Variants in STX7 observed in about 807,000 individuals in gnomAD.
STX7 encodes syntaxin-7.
STX7 carries 34 observed loss-of-function variants against 39.6 expected under a neutral mutation model. That is an observed-to-expected ratio of 0.86 (90% CI 0.65 to 1.14). The LOEUF (loss-of-function observed/expected upper bound fraction) is 1.14. Ranked by LOEUF, STX7 falls within the 50% of genes most tolerant of loss-of-function variation. The probability of loss-of-function intolerance (pLI) is 0.00; values close to 1 mark genes in which losing one functional copy is unlikely to be tolerated. For synonymous variants in STX7, 119 were observed against 99.1 expected, an observed-to-expected ratio of 1.20 and a Z score of -1.19; for missense variants, 284 against 310.4, an observed-to-expected ratio of 0.92 and a Z score of 0.64.
intron 2 of STX7, among the ~76,000 whole-genome samples, chr6:132,476,301 AGC>A (rs924749994): frequency 1.3e-5 from 2 of 152,218 alleles, no homozygotes; most frequent in Admixed American, 6.5e-5. Flanking sequence ...GGCATGCTGC[AGC>A]GAGAAAGCCA....
intron 2 of STX7, among the ~76,000 whole-genome samples, chr6:132,500,446 C>T (rs1218335948): frequency 6.6e-6 from 1 of 152,164 alleles, no homozygotes; most frequent in Admixed American, 6.5e-5. Flanking sequence ...GTTATTCCTT[C>T]TGTCTGAAAT....
Position 132,446,283 on chromosome 6 carries a change from T to C in STX7, c.*14475A>G, listed in dbSNP as rs1340685608. 1 of 152,198 alleles carries C rather than the reference T, an allele frequency of 6.6e-6. No individual in the cohort carries two copies. Among genetic ancestry groups the C allele is most frequent in the African/African-American group, 2.4e-5 (1 of 41,450 alleles). 9.4% of individuals were successfully genotyped at this position (152,198 alleles called of 1,614,324 possible). On this transcript the variant is annotated 3_prime_UTR_variant, in exon 10 of 10. Transcript: ENST00000367941. ...GATCATTCATCTTCTCGAGGCCAAG[T>C]ACTTGGTCTGAACACAGAGTCACTT...
At chr6:132,471,278 C>T (rs112143443) in intron 5 of STX7, among the ~76,000 whole-genome samples, 185 bp downstream of exon 5, 3,248 of 152,126 alleles carry the variant, frequency 0.021, 67 homozygotes, top group Middle Eastern at 0.058. Context: ...AAATCACCAC[C>T]GTAATACAAA....
At chr6:132,509,455 A>T (rs1433396170) in intron 1 of STX7, among the ~76,000 whole-genome samples, 1 of 4,544 alleles carries the variant, frequency 2.2e-4, no homozygotes, top group Admixed American at 1.2e-3. Flanking sequence ...GTCTCAAAAT[A>T]ACATAACATA....
chr6:132,494,414 G>A (rs779263981), intron 2 of STX7, among the ~76,000 whole-genome samples: 2 of 152,096 alleles, frequency 1.3e-5, no homozygotes, highest in Non-Finnish European at 2.9e-5. Flanking sequence ...TTAATTTACT[G>A]ATAAAAGGCA....
chr6:132,485,634 T>C (rs941899209), intron 2 of STX7, among the ~76,000 whole-genome samples: 4 of 152,338 alleles, frequency 2.6e-5, no homozygotes, highest in African/African-American at 9.6e-5. Context: ...CCACCTGCAG[T>C]GTATGAAAAC....
chr6:132,510,318 A>G (rs1409560222), intron 1 of STX7, among the ~76,000 whole-genome samples: 1 of 152,248 alleles, frequency 6.6e-6, no homozygotes, highest in East Asian at 1.9e-4. Context: ...TACACATTGT[A>G]CACATCTACT....
chr6:132,448,262 GTATT>G lies in STX7; in HGVS notation c.*12492_*12495del, dbSNP rs1426066047. The G allele has an allele frequency of 6.6e-6, 1 of 152,038 alleles. No individual in the cohort carries two copies. The allele number at this position is 152,038 out of a possible 1,614,324, so 9.4% of individuals were successfully genotyped here. A position where few individuals can be genotyped will look rare whatever the true frequency, so the allele number is the denominator to read the frequency against. On this transcript the variant is annotated 3_prime_UTR_variant, in exon 10 of 10. Transcript: ENST00000367941. ...GAGTAAATACTTCTTAATATAGACA[GTATT>G]TATTTACATTTCCCATGATTACTGA...
At chr6:132,463,833 C>T (rs994900513) in intron 9 of STX7, among the ~76,000 whole-genome samples, 160 bp downstream of exon 9, 3 of 152,174 alleles carry the variant, frequency 2.0e-5, no homozygotes, top group Admixed American at 6.6e-5. Flanking sequence ...CAGTTCTAAA[C>T]TGACTGGTAT....
At chr6:132,467,734 C>A (rs539087979) in intron 8 of STX7, among the ~76,000 whole-genome samples, 13 of 152,182 alleles carry the variant, frequency 8.5e-5, no homozygotes, top group Admixed American at 2.0e-4. Flanking sequence ...TCAGTTGGAC[C>A]AAATTCAGAA....
At chr6:132,508,710 C>T (rs1775768220) in intron 1 of STX7, among the ~76,000 whole-genome samples, 2 of 151,570 alleles carry the variant, frequency 1.3e-5, no homozygotes, top group South Asian at 4.2e-4. Flanking sequence ...GGGGGTCTCA[C>T]TTTGTTGCCC....
At chr6:132,494,657 T>C (rs1775378238) in intron 2 of STX7, among the ~76,000 whole-genome samples, 1 of 151,942 alleles carries the variant, frequency 6.6e-6, no homozygotes, top group Admixed American at 6.6e-5. Flanking sequence ...ATCTACCTGG[T>C]GGAATGTGGA....
intron 2 of STX7, among the ~76,000 whole-genome samples, chr6:132,495,001 T>A (rs1364378341): frequency 2.6e-5 from 4 of 152,112 alleles, no homozygotes; most frequent in African/African-American, 9.7e-5. Context: ...GTAGAACCAC[T>A]AAGATTTACA....
chr6:132,497,061 C>T (rs577634410), intron 2 of STX7, among the ~76,000 whole-genome samples: 10 of 152,284 alleles, frequency 6.6e-5, no homozygotes, highest in Non-Finnish European at 1.0e-4. Flanking sequence ...TGAACATAAA[C>T]ATATCCTATG....
chr6:132,507,171 G>C (rs1171158970), intron 1 of STX7, among the ~76,000 whole-genome samples: 2 of 152,108 alleles, frequency 1.3e-5, no homozygotes, highest in African/African-American at 2.4e-5. Context: ...TGAGGGATGA[G>C]AAATTACTTA....
At chr6:132,512,535 C>T (rs529888451) in intron 1 of STX7, among the ~76,000 whole-genome samples, 2 of 152,320 alleles carry the variant, frequency 1.3e-5, no homozygotes, top group South Asian at 2.1e-4. Context: ...ACACGGTTCG[C>T]CTGCTACAGC....
chr6:132,450,439 TG>T lies in STX7; in HGVS notation c.*10318del, dbSNP rs565367728. ...TCATTCCTAAATTTTTTATGTCTTCTGTTTTTTTCCAAATCGGTTTCACCAA... is the reference window on the plus strand; with the variant it reads ...TCATTCCTAAATTTTTTATGTCTTCTTTTTTTTCCAAATCGGTTTCACCAA... On this transcript the variant is annotated 3_prime_UTR_variant, in exon 10 of 10. Transcript: ENST00000367941. The T allele has an allele frequency of 6.6e-6, 1 of 152,182 alleles. No individual in the cohort carries two copies. Among genetic ancestry groups the T allele is most frequent in the Non-Finnish European group, 1.5e-5 (1 of 68,024 alleles). The allele number at this position is 152,182 out of a possible 1,614,324, so 9.4% of individuals were successfully genotyped here.
chr6:132,499,080 C>T (rs1045441284), intron 2 of STX7, among the ~76,000 whole-genome samples: 2 of 152,224 alleles, frequency 1.3e-5, no homozygotes, highest in African/African-American at 4.8e-5. Context: ...CTGTACCACA[C>T]GTAGCCTCAC....
intron 2 of STX7, among the ~76,000 whole-genome samples, chr6:132,502,862 G>GC (rs1297347392): frequency 6.6e-6 from 1 of 151,946 alleles, no homozygotes; most frequent in Non-Finnish European, 1.5e-5. Context: ...TCGTACCACT[G>GC]CACTCCAGCC....
Sources: gnomAD v4.1 joint callset for allele counts (sites outside exome capture counted in the v4.1 genomes callset) on GRCh38, gnomAD v4.1.1 for gene constraint, MANE v1.5 for transcripts, NCBI Gene and HGNC (gene_info 2026-07-23, HGNC 2026-07-21) for gene names.